The following NELL1 variants were observed in gnomAD, a reference collection of about 807,000 sequenced individuals.
The protein encoded by NELL1 is protein kinase C-binding protein NELL1.
Under a neutral mutation model 107.4 loss-of-function variants are expected in NELL1, and 76 were observed. The ratio of observed to expected loss-of-function variants is 0.71; its 90% CI spans 0.59 to 0.86. The LOEUF is 0.86. Among genes scored for constraint, NELL1 ranks in the 40% least tolerant of loss-of-function variants. The probability of loss-of-function intolerance (pLI) is 0.00; values close to 1 mark genes in which losing one functional copy is unlikely to be tolerated. For synonymous variants in NELL1, 353 were observed against 341.2 expected (o/e 1.03, Z -0.38); for missense variants, 1,024 against 1,005.5 (o/e 1.02, Z -0.25).
In NELL1 at chr11:21,229,459, G is replaced by A. The variant is rs751857006; in HGVS notation, c.1549+5G>A. The A allele has an allele frequency of 1.9e-6, 3 of 1,613,498 alleles. No individual in the cohort carries two copies. The South Asian group carries it at 3.3e-5, about 18-fold the overall frequency. On this transcript the variant is annotated splice_donor_5th_base_variant and intron_variant, in intron 14 of 19. Transcript: ENST00000357134. ...GGAACGGGACCATCTGCAGAGGTAG[G>A]CTTGCCGCCTTAGTGTTGAGTTGTG...
chr11:20,846,032 A>G (rs2134055437), intron 3 of NELL1, among the ~76,000 whole-genome samples: 1 of 152,362 alleles, frequency 6.6e-6, no homozygotes, highest in Non-Finnish European at 1.5e-5. Flanking sequence ...TTCCCTTAAA[A>G]TAAATGTCTT....
chr11:20,918,216 C>T lies in NELL1; in HGVS notation c.638C>T (p.Pro213Leu), dbSNP rs143012314. 3.8e-5 allele frequency: 61 copies of T among 1,598,724 alleles called. 1 individual carries two copies. In the African/African-American group the frequency reaches 5.1e-4, roughly 13 times the overall value. Reference protein sequence around the residue: ...IIQDGKIIFMPNGYITQCPNL... With the variant: ...IIQDGKIIFMLNGYITQCPNL... ...CAAGATGGGAAGATCATCTTTATGCCGAATGGATATATAACACAGTGTCCA... is the reference window on the plus strand; with the variant it reads ...CAAGATGGGAAGATCATCTTTATGCTGAATGGATATATAACACAGTGTCCA... The change falls in exon 6 of 20, where the codon CCG becomes CTG. Residue 213 changes from proline to leucine, a missense_variant. Coordinates refer to ENST00000357134, the MANE Select transcript of NELL1 (RefSeq NM_006157.5).
intron 12 of NELL1, among the ~76,000 whole-genome samples, chr11:20,976,995 A>C (rs1851650954): frequency 6.6e-6 from 1 of 151,624 alleles, no homozygotes; most frequent in African/African-American, 2.4e-5. Flanking sequence ...ATGGTTCGTC[A>C]TTTTGCTTTC....
chr11:21,178,290 C>G (rs950930415), intron 13 of NELL1, among the ~76,000 whole-genome samples: 1 of 151,742 alleles, frequency 6.6e-6, no homozygotes, highest in African/African-American at 2.4e-5. Flanking sequence ...AGACTTGATC[C>G]TCATCTTCAA....
intron 3 of NELL1, among the ~76,000 whole-genome samples, chr11:20,792,118 AGTTT>A (rs2133992007): frequency 6.6e-6 from 1 of 152,088 alleles, no homozygotes; most frequent in African/African-American, 2.4e-5. Context: ...CTTTCTTTTG[AGTTT>A]TAGCTGATTT....
rs566993190 is a variant in NELL1 at position 21,121,600 on chromosome 11, G to A, written c.1426+7886G>A. ...AGAGCCATGATAGAGCCTGATGGAA[G>A]TGGGGAACACTTAAAATGACTGAGA... On this transcript the variant is annotated intron_variant, in intron 13 of 19. Transcript: ENST00000357134. 1.3e-4 allele frequency among the ~76,000 whole-genome samples: 20 copies of A among 152,260 alleles called. 1 individual carries two copies. The South Asian group carries it at 3.3e-3, about 25-fold the overall frequency.
At chr11:21,173,461 C>A (rs1856648988) in intron 13 of NELL1, among the ~76,000 whole-genome samples, 1 of 151,764 alleles carries the variant, frequency 6.6e-6, no homozygotes, top group Non-Finnish European at 1.5e-5. Flanking sequence ...GATACTTTTT[C>A]TTTCCTATCA....
intron 13 of NELL1, among the ~76,000 whole-genome samples, chr11:21,182,487 T>TC (rs1005275930): frequency 1.8e-4 from 27 of 149,914 alleles, no homozygotes; most frequent in Non-Finnish European, 4.4e-5. Flanking sequence ...AACTTTGTAA[T>TC]CAGTCATGGT....
intron 14 of NELL1, among the ~76,000 whole-genome samples, chr11:21,293,008 T>G (rs928067693): frequency 6.6e-6 from 1 of 152,164 alleles, no homozygotes; most frequent in Non-Finnish European, 1.5e-5. Context: ...ATTCAGGACA[T>G]AGGCATGGGC....
intron 12 of NELL1, among the ~76,000 whole-genome samples, chr11:20,964,926 G>A (rs772417735): frequency 6.6e-6 from 1 of 152,070 alleles, no homozygotes. Context: ...TGATGGGTAT[G>A]TGGCATGAGT....
At chr11:21,478,737 C>A in intron 15 of NELL1, among the ~76,000 whole-genome samples, 1 of 145,986 alleles carries the variant, frequency 6.8e-6, no homozygotes. Flanking sequence ...AAACAGTCAA[C>A]AAAGTGAATA....
chr11:21,536,047 T>A (rs144719703), intron 16 of NELL1, among the ~76,000 whole-genome samples: 1 of 152,302 alleles, frequency 6.6e-6, no homozygotes, highest in African/African-American at 2.4e-5. Context: ...GGGGAGACTC[T>A]TAGATTTTTT....
chr11:21,034,186 A>G (rs1237455885), intron 12 of NELL1, among the ~76,000 whole-genome samples: 1 of 152,148 alleles, frequency 6.6e-6, no homozygotes, highest in Non-Finnish European at 1.5e-5. Context: ...TAATTTTTAT[A>G]TATGGTGTAA....
chr11:21,313,998 C>T (rs1310745593), intron 14 of NELL1, among the ~76,000 whole-genome samples: 1 of 24,218 alleles, frequency 4.1e-5, no homozygotes, highest in Non-Finnish European at 8.3e-5. Flanking sequence ...CTCTGCCCCC[C>T]CCCCCCCCCC....
chr11:20,695,903 T>C (rs898337521), intron 2 of NELL1, among the ~76,000 whole-genome samples: 1 of 137,228 alleles, frequency 7.3e-6, no homozygotes, highest in Admixed American at 6.8e-5. Flanking sequence ...CCATCTGGCC[T>C]GGGCTTTTTT....
intron 11 of NELL1, among the ~76,000 whole-genome samples, chr11:20,949,195 AT>A (rs1851025312): frequency 6.6e-6 from 1 of 152,168 alleles, no homozygotes; most frequent in Non-Finnish European, 1.5e-5. Flanking sequence ...CTTCTGGTGT[AT>A]GAAAATGTTG....
intron 3 of NELL1, among the ~76,000 whole-genome samples, chr11:20,847,113 A>G (rs1848714164): frequency 6.6e-6 from 1 of 152,230 alleles, no homozygotes; most frequent in African/African-American, 2.4e-5. Context: ...CAGAGAAGAA[A>G]AAAGACTAAT....
Position 21,531,533 on chromosome 11 carries a change from C to G in NELL1, c.1646-2841C>G, listed in dbSNP as rs930376801. Among the ~76,000 whole-genome samples, 12 of 152,126 alleles carry G rather than the reference C, an allele frequency of 7.9e-5. 1 individual carries two copies. Among genetic ancestry groups the G allele is most frequent in the Admixed American group, 5.9e-4 (9 of 15,266 alleles). On this transcript the variant is annotated intron_variant, in intron 15 of 19. Coordinates refer to ENST00000357134, the MANE Select transcript of NELL1 (RefSeq NM_006157.5). ...CATAGTATCTCACTCAACAATCCCC[C>G]AGCTTCTCTTGTTTCCTTGTTCACA...
At chr11:21,030,134 G>A (rs761698096) in intron 12 of NELL1, among the ~76,000 whole-genome samples, 5 of 152,230 alleles carry the variant, frequency 3.3e-5, no homozygotes, top group South Asian at 2.1e-4. Context: ...TTAAAATTAC[G>A]TTAGATATTT....
Sources: allele counts gnomAD v4.1 joint callset (sites outside exome capture counted in the v4.1 genomes callset), GRCh38; gene constraint gnomAD v4.1.1; transcripts MANE v1.5; gene names NCBI Gene and HGNC (gene_info 2026-07-23, HGNC 2026-07-21).